The following AGO2 variants were observed in gnomAD, a reference collection of about 807,000 sequenced individuals.
AGO2 encodes the protein protein argonaute-2.
A neutral mutation model predicts 102.3 loss-of-function variants in AGO2; 5 were observed. The observed-to-expected ratio is 0.05, with a 90% CI of 0.03 to 0.10. The LOEUF is 0.10. AGO2 is among the 10% of genes least tolerant of loss of function. AGO2 has a pLI of 1.00. For synonymous variants in AGO2, 449 were observed against 473.1 expected (o/e 0.95, Z 0.66); for missense variants, 541 against 1,183.7 (o/e 0.46, Z 7.97).
intron 12 of AGO2, among the ~76,000 whole-genome samples, chr8:140,548,648 A>C (rs2072943621): frequency 6.6e-6 from 1 of 152,166 alleles, no homozygotes; most frequent in African/African-American, 2.4e-5. Context: ...ACATGTCAAT[A>C]ATCTGTCTGT....
At chr8:140,617,573 C>T (rs2074156850) in intron 1 of AGO2, among the ~76,000 whole-genome samples, 1 of 152,138 alleles carries the variant, frequency 6.6e-6, no homozygotes, top group Non-Finnish European at 1.5e-5. Flanking sequence ...ACTCTTATGC[C>T]CAAATGAAGA....
At chr8:140,552,732 G>GCA (rs2073020886) in intron 10 of AGO2, among the ~76,000 whole-genome samples, 1 of 121,020 alleles carries the variant, frequency 8.3e-6, no homozygotes, top group Admixed American at 8.3e-5. Flanking sequence ...ACATGCACGC[G>GCA]CGCGCGCGCA....
upstream of AGO2, among the ~76,000 whole-genome samples, chr8:140,639,536 T>C (rs185376545): frequency 2.0e-5 from 3 of 148,478 alleles, no homozygotes; most frequent in Non-Finnish European, 4.4e-5. Context: ...AAAGTCTCAG[T>C]GCTTTGGGAG....
chr8:140,547,554 C>T lies in AGO2; in HGVS notation c.1662G>A (p.Arg554=). 1 of 1,614,190 alleles carries T rather than the reference C, an allele frequency of 6.2e-7. No individual in the cohort carries two copies. Among genetic ancestry groups the T allele is most frequent in the Non-Finnish European group, 8.5e-7 (1 of 1,180,018 alleles). Residue 554 remains arginine (R), a synonymous_variant, in exon 13 of 19, where the codon AGG becomes AGA. Coordinates refer to ENST00000220592, the MANE Select transcript of AGO2 (RefSeq NM_012154.5). ...TQCVQMKNVQ[R]TTPQTLSNLC... ...GGTTGGACAGGGTCTGTGGCGTGGT[C>T]CTCTGCACGTTCTTCATCTGCACGC...
chr8:140,562,144 C>T (rs1391939952), intron 4 of AGO2, among the ~76,000 whole-genome samples: 1 of 152,218 alleles, frequency 6.6e-6, no homozygotes, highest in Non-Finnish European at 1.5e-5. Context: ...TATCACGAGT[C>T]CCAAGGGCAA....
intron 11 of AGO2, 56 bp from the exon 12 acceptor site, chr8:140,549,354 C>G: frequency 2.0e-6 from 3 of 1,509,394 alleles, no homozygotes; most frequent in Non-Finnish European, 2.7e-6. Flanking sequence ...AGAACTCAGG[C>G]CGACCAGAGG....
At chr8:140,634,831 T>A (rs969977941) in intron 1 of AGO2, among the ~76,000 whole-genome samples, 1 of 152,088 alleles carries the variant, frequency 6.6e-6, no homozygotes, top group Non-Finnish European at 1.5e-5. Flanking sequence ...CAGCCCTAAC[T>A]ACAGGAATTG....
chr8:140,609,605 C>T (rs2074049714), intron 1 of AGO2, among the ~76,000 whole-genome samples: 1 of 152,202 alleles, frequency 6.6e-6, no homozygotes, highest in African/African-American at 2.4e-5. Flanking sequence ...CTGCACACAC[C>T]CTGCACTTCC....
At chr8:140,636,849 C>T (rs576797927), upstream of AGO2, 1 of 152,402 alleles carries the variant, frequency 6.6e-6, no homozygotes, top group African/African-American at 2.4e-5. Context: ...GACTGCATGG[C>T]ACTGAATACC....
At position 140,596,208 on chromosome 8, in the gene AGO2, T is replaced by C. The variant is rs1316590847; in HGVS notation, c.23-10897A>G. Among the ~76,000 whole-genome samples, 4 of 151,958 alleles carry C rather than the reference T, an allele frequency of 2.6e-5. No individual in the cohort carries two copies. The East Asian group carries it at 7.7e-4, about 29-fold the overall frequency. Reference sequence around the variant, plus strand: ...TTGTTATTTAAAACTAAATTATTTTTAAAAAATGAACAAACTCTGGGAGAA... The same window carrying C: ...TTGTTATTTAAAACTAAATTATTTTCAAAAAATGAACAAACTCTGGGAGAA... On this transcript the variant is annotated intron_variant, in intron 1 of 18. Coordinates refer to ENST00000220592, the MANE Select transcript of AGO2 (RefSeq NM_012154.5).
intron 1 of AGO2, among the ~76,000 whole-genome samples, chr8:140,612,006 G>A (rs993945644): frequency 4.6e-5 from 7 of 151,322 alleles, no homozygotes; most frequent in Admixed American, 1.3e-4. Context: ...GGGCGATCAC[G>A]AGGTCAGGAG....
In AGO2 at chr8:140,540,038, C is replaced by G. The variant is rs550139277; in HGVS notation, c.2035-584G>C. Among the ~76,000 whole-genome samples the G allele has an allele frequency of 6.6e-6, 1 of 152,022 alleles. No individual in the cohort carries two copies. The highest frequency in any genetic ancestry group is 6.6e-5 in the Admixed American group (1 of 15,266). ...CCGGGAGGTGGAGGTTGCAGTGAGC[C>G]GAGATCCTGCCACTGCACTCCAGAC... On this transcript the variant is annotated intron_variant, in intron 15 of 18. Coordinates refer to ENST00000220592, the MANE Select transcript of AGO2 (RefSeq NM_012154.5). This position sits in a 1 kb window ranked among gnomAD's most constrained non-coding sequence, Gnocchi z 5.0.
intron 13 of AGO2, among the ~76,000 whole-genome samples, chr8:140,545,270 ACAGGGCTCCTCT>A (rs1564077984): frequency 6.6e-6 from 1 of 152,090 alleles, no homozygotes; most frequent in East Asian, 1.9e-4. Context: ...GGCCACAGCA[ACAGGGCTCCTCT>A]CCCCAAGGTC....
chr8:140,583,456 A>C (rs2133006853), intron 2 of AGO2, among the ~76,000 whole-genome samples: 1 of 152,376 alleles, frequency 6.6e-6, no homozygotes. Context: ...TGTGAACATC[A>C]TAGAGTATAT....
chr8:140,583,028 C>T (rs946911687), intron 2 of AGO2, among the ~76,000 whole-genome samples: 76 of 152,296 alleles, frequency 5.0e-4, no homozygotes, highest in African/African-American at 1.7e-3. Flanking sequence ...TGGGGATCTG[C>T]CCCCAGTGTG....
intron 1 of AGO2, among the ~76,000 whole-genome samples, chr8:140,598,823 A>G (rs929817138): frequency 1.3e-5 from 2 of 152,160 alleles, no homozygotes; most frequent in African/African-American, 2.4e-5. Flanking sequence ...CTCTTCTCCA[A>G]AGTTTTCAGG....
At chr8:140,627,162 G>A (rs1478545094) in intron 1 of AGO2, among the ~76,000 whole-genome samples, 4 of 152,226 alleles carry the variant, frequency 2.6e-5, no homozygotes, top group African/African-American at 9.6e-5. Flanking sequence ...AGACACCAGA[G>A]AAGCCTGGGA....
intron 2 of AGO2, among the ~76,000 whole-genome samples, chr8:140,584,772 G>A (rs1378497601): frequency 6.6e-6 from 1 of 152,108 alleles, no homozygotes; most frequent in Non-Finnish European, 1.5e-5. Flanking sequence ...ACATCAGAAT[G>A]CCGTGACTTT....
intron 13 of AGO2, among the ~76,000 whole-genome samples, chr8:140,546,530 T>C (rs541521425): frequency 9.3e-4 from 142 of 152,342 alleles, no homozygotes; most frequent in African/African-American, 3.2e-3. Flanking sequence ...AGAGGGTCAC[T>C]GCCTTAAGGC....
Sources: gnomAD v4.1 joint callset for allele counts (sites outside exome capture counted in the v4.1 genomes callset) on GRCh38, gnomAD v4.1.1 for gene constraint, Gnocchi (gnomAD v3.1) non-coding constraint, MANE v1.5 for transcripts, NCBI Gene and HGNC (gene_info 2026-07-23, HGNC 2026-07-21) for gene names.